NRXN1: variants seen among roughly 807,000 people sequenced by gnomAD.
The protein encoded by NRXN1 is neurexin-1.
In NRXN1, 39 loss-of-function variants were observed where a neutral mutation model predicts 150.9. The observed-to-expected ratio is 0.26, with a 90% CI of 0.20 to 0.34. The LOEUF is 0.34. Among genes scored for constraint, NRXN1 ranks in the 10% least tolerant of loss-of-function variants. The probability of loss-of-function intolerance (pLI) is 1.00; values close to 1 mark genes in which losing one functional copy is unlikely to be tolerated. For missense variants in NRXN1, 1,815 were observed against 1,949.9 expected (o/e 0.93, Z 1.30); for synonymous variants, 924 against 757.0 (o/e 1.22, Z -3.62).
At chr2:50,253,360 G>C (rs2067353680) in intron 17 of NRXN1, among the ~76,000 whole-genome samples, 1 of 152,154 alleles carries the variant, frequency 6.6e-6, no homozygotes, top group South Asian at 2.1e-4. Context: ...TCTGCAAACA[G>C]AGACAGTTTA....
intron 18 of NRXN1, among the ~76,000 whole-genome samples, chr2:50,176,858 A>G (rs2060383628): frequency 6.6e-6 from 1 of 152,088 alleles, no homozygotes; most frequent in South Asian, 2.1e-4. Context: ...GTCCAGAGCT[A>G]AGACATACAG....
chr2:50,719,417 C>T (rs773513178), intron 5 of NRXN1, among the ~76,000 whole-genome samples: 2 of 151,928 alleles, frequency 1.3e-5, no homozygotes, highest in African/African-American at 4.8e-5. Flanking sequence ...CTCATGGAAC[C>T]TGTAATCCCA....
intron 5 of NRXN1, among the ~76,000 whole-genome samples, chr2:50,647,610 A>T (rs1685007779): frequency 6.6e-6 from 1 of 152,008 alleles, no homozygotes; most frequent in African/African-American, 2.4e-5. Flanking sequence ...AAAGACCCAA[A>T]GAAAAGCTTT....
intron 5 of NRXN1, among the ~76,000 whole-genome samples, chr2:50,707,170 C>A (rs912825539): frequency 6.6e-6 from 1 of 152,128 alleles, no homozygotes; most frequent in African/African-American, 2.4e-5. Context: ...GCTTTCATCA[C>A]CTTTGGAAGA....
chr2:50,492,450 T>C (rs1311237661), intron 15 of NRXN1, among the ~76,000 whole-genome samples: 2 of 152,134 alleles, frequency 1.3e-5, no homozygotes, highest in African/African-American at 4.8e-5. Flanking sequence ...GAGAATGAAA[T>C]ACATGAGCCC....
chr2:50,810,960 A>C (rs1668135352), intron 5 of NRXN1, among the ~76,000 whole-genome samples: 1 of 152,232 alleles, frequency 6.6e-6, no homozygotes, highest in African/African-American at 2.4e-5. Context: ...AGCCTGGTGA[A>C]AAAGTGAGAC....
intron 18 of NRXN1, among the ~76,000 whole-genome samples, chr2:50,107,781 T>C (rs1173398464): frequency 4.6e-5 from 7 of 151,876 alleles, no homozygotes; most frequent in Non-Finnish European, 8.8e-5. Flanking sequence ...TACTAATAAG[T>C]TCTAATTATC....
At chr2:50,979,840 T>C (rs1322397028) in intron 2 of NRXN1, among the ~76,000 whole-genome samples, 1 of 152,152 alleles carries the variant, frequency 6.6e-6, no homozygotes, top group Non-Finnish European at 1.5e-5. Context: ...TTAATATCTA[T>C]TTTCCTGAAA....
intron 18 of NRXN1, among the ~76,000 whole-genome samples, chr2:50,218,037 G>C (rs1195511340): frequency 6.6e-6 from 1 of 151,872 alleles, no homozygotes; most frequent in East Asian, 1.9e-4. Context: ...ATACATACCT[G>C]AACTACCTCC....
chr2:50,191,897 C>G (rs1007508282), intron 18 of NRXN1, among the ~76,000 whole-genome samples: 4 of 152,080 alleles, frequency 2.6e-5, no homozygotes, highest in African/African-American at 9.7e-5. Context: ...GTTTGTGTTT[C>G]TTCAAACATA....
chr2:50,297,780 G>C (rs890679524), intron 17 of NRXN1, among the ~76,000 whole-genome samples: 1 of 152,158 alleles, frequency 6.6e-6, no homozygotes, highest in Non-Finnish European at 1.5e-5. Context: ...GCTGAGTAGA[G>C]AAGAGAGATG....
chr2:50,886,922 C>G (rs1440268225), intron 5 of NRXN1, among the ~76,000 whole-genome samples: 1 of 151,352 alleles, frequency 6.6e-6, no homozygotes, highest in Non-Finnish European at 1.5e-5. Flanking sequence ...ATAAGCACAT[C>G]ACTGGCCTTA....
At chr2:49,993,363 A>C (rs1682349893) in intron 21 of NRXN1, among the ~76,000 whole-genome samples, 1 of 152,196 alleles carries the variant, frequency 6.6e-6, no homozygotes, top group Non-Finnish European at 1.5e-5. Context: ...AAGAAGCAAA[A>C]CTACAGAGAC....
At chr2:50,389,558 T>G (rs1391774748) in intron 17 of NRXN1, among the ~76,000 whole-genome samples, 1 of 152,104 alleles carries the variant, frequency 6.6e-6, no homozygotes, top group East Asian at 1.9e-4. Flanking sequence ...CTTTTCTCTC[T>G]TCTCTTATCT....
intron 18 of NRXN1, among the ~76,000 whole-genome samples, chr2:50,118,119 G>T (rs773791848): frequency 6.6e-6 from 1 of 152,160 alleles, no homozygotes; most frequent in Non-Finnish European, 1.5e-5. Flanking sequence ...AGATCTTAAC[G>T]TTGTACTTAA....
chr2:50,191,068 G>A (rs944431766), intron 18 of NRXN1, among the ~76,000 whole-genome samples: 2 of 151,922 alleles, frequency 1.3e-5, no homozygotes, highest in Admixed American at 6.6e-5. Context: ...TCACTCTGTG[G>A]CCCAGGCTGG....
chr2:50,276,707 C>G (rs998364093), intron 17 of NRXN1, among the ~76,000 whole-genome samples: 1 of 152,174 alleles, frequency 6.6e-6, no homozygotes, highest in Non-Finnish European at 1.5e-5. Flanking sequence ...ACATTGTAAT[C>G]TTTCTCTAAC....
chr2:50,734,151 A>C (rs1227720413), intron 5 of NRXN1, among the ~76,000 whole-genome samples: 1 of 152,138 alleles, frequency 6.6e-6, no homozygotes, highest in East Asian at 1.9e-4. Context: ...ACCATCCTAT[A>C]AGACAAAGGA....
In NRXN1 at chr2:50,550,578, G is replaced by C. The variant is rs567357280; in HGVS notation, c.1759+2009C>G. ...ATGTACCAAATTAACTGCTATCTCTGGCAGAGATAGGCTGGAGGAAGTCAG... is the reference window on the plus strand; with the variant it reads ...ATGTACCAAATTAACTGCTATCTCTCGCAGAGATAGGCTGGAGGAAGTCAG... On this transcript the variant is annotated intron_variant, in intron 9 of 22. Transcript: ENST00000401669. 5.3e-5 allele frequency among the ~76,000 whole-genome samples: 8 copies of C among 151,696 alleles called. No homozygotes were observed. The East Asian group carries it at 1.6e-3, about 30-fold the overall frequency.
Sources: allele counts gnomAD v4.1 joint callset (sites outside exome capture counted in the v4.1 genomes callset), GRCh38; gene constraint gnomAD v4.1.1; transcripts MANE v1.5; gene names NCBI Gene and HGNC (gene_info 2026-07-23, HGNC 2026-07-21).